Variants in IQANK1 observed in about 807,000 individuals in gnomAD.
IQANK1 encodes the protein IQ motif and ankyrin repeat domain-containing protein 1.
A neutral mutation model predicts 22.6 loss-of-function variants in IQANK1; 30 were observed. The observed-to-expected ratio is 1.33, with a 90% confidence interval of 0.99 to 1.80. IQANK1 has a LOEUF of 1.80. Among genes scored for constraint, IQANK1 ranks in the 40% most tolerant of loss-of-function variants. IQANK1 has a pLI of 0.00. For synonymous variants in IQANK1, 122 were observed against 99.6 expected (o/e 1.23, Z -1.34); for missense variants, 275 against 235.2 (o/e 1.17, Z -1.11).
At chr8:143,773,593 C>T (rs1819627977) in intron 7 of IQANK1, among the ~76,000 whole-genome samples, 1 of 152,146 alleles carries the variant, frequency 6.6e-6, no homozygotes, top group African/African-American at 2.4e-5. Flanking sequence ...TGCCTGGAGT[C>T]TGGGTTCTGC....
chr8:143,752,903 T>C (rs1421643428), intron 3 of IQANK1, among the ~76,000 whole-genome samples: 1 of 152,026 alleles, frequency 6.6e-6, no homozygotes, highest in East Asian at 1.9e-4. Context: ...CTGTATTCTC[T>C]CTGCCCCTTT....
intron 3 of IQANK1, chr8:143,743,042 C>A (rs1169482758): frequency 2.2e-6 from 1 of 456,024 alleles, no homozygotes; most frequent in East Asian, 6.9e-5. Context: ...GATGGGGGGG[C>A]CCTGTGCCTG....
intron 3 of IQANK1, chr8:143,742,320 T>C (rs1056308859): frequency 2.2e-6 from 1 of 449,190 alleles, no homozygotes; most frequent in Non-Finnish European, 4.5e-6. Flanking sequence ...CTTCCCTTGC[T>C]GCTGCCCGCC....
At chr8:143,767,496 T>C (rs1243034840) in intron 3 of IQANK1, among the ~76,000 whole-genome samples, 2 of 152,196 alleles carry the variant, frequency 1.3e-5, no homozygotes, top group Non-Finnish European at 2.9e-5. Context: ...GGATTTTCCA[T>C]AGATGTGTAA....
intron 3 of IQANK1, among the ~76,000 whole-genome samples, chr8:143,754,286 C>A (rs1193403467): frequency 6.6e-6 from 1 of 152,180 alleles, no homozygotes; most frequent in Non-Finnish European, 1.5e-5. Context: ...TTACAGACTT[C>A]GTGACTATGT....
intron 3 of IQANK1, among the ~76,000 whole-genome samples, chr8:143,761,118 G>T (rs909067319): frequency 3.9e-5 from 6 of 152,212 alleles, no homozygotes; most frequent in Non-Finnish European, 5.9e-5. Context: ...AGACTCCTGG[G>T]GCGCAGATCG....
chr8:143,756,544 C>T (rs1428085029), intron 3 of IQANK1, among the ~76,000 whole-genome samples: 1 of 152,058 alleles, frequency 6.6e-6, no homozygotes, highest in Non-Finnish European at 1.5e-5. Context: ...ATTGCTGGTA[C>T]ACACGCCCAA....
chr8:143,743,806 T>TTG (rs374503667), intron 3 of IQANK1: 205 of 418,064 alleles, frequency 4.9e-4, no homozygotes, highest in African/African-American at 4.1e-3. Flanking sequence ...GTTTCATATA[T>TTG]TGTAGTTTTT....
intron 7 of IQANK1, among the ~76,000 whole-genome samples, chr8:143,787,622 G>A (rs1819916630): frequency 6.6e-6 from 1 of 152,054 alleles, no homozygotes; most frequent in Admixed American, 6.5e-5. Context: ...ACTTGTCTGT[G>A]GCCAGTCTCC....
chr8:143,748,629 TCATATATA>T (rs1332134991), intron 3 of IQANK1, among the ~76,000 whole-genome samples: 10 of 124,736 alleles, frequency 8.0e-5, no homozygotes, highest in South Asian at 6.7e-4. Flanking sequence ...ATATAATATA[TCATATATA>T]AATATATAAA....
At chr8:143,784,761 A>G (rs1252064512) in intron 7 of IQANK1, among the ~76,000 whole-genome samples, 6 of 151,566 alleles carry the variant, frequency 4.0e-5, no homozygotes, top group African/African-American at 1.5e-4. Flanking sequence ...ACTTCTACTT[A>G]TAGCTCATTG....
chr8:143,742,136 C>G lies in IQANK1; in HGVS notation c.175+2188C>G, dbSNP rs186647517. 1,973 of 349,336 alleles carry G rather than the reference C, an allele frequency of 5.6e-3. 12 individuals are homozygous for G. The highest frequency in any genetic ancestry group is 9.2e-3 in the Non-Finnish European group (1,605 of 175,392). 21.6% of individuals were successfully genotyped at this position (349,336 alleles called of 1,614,324 possible). A position where few individuals can be genotyped will look rare whatever the true frequency, so the allele number is the denominator to read the frequency against. On this transcript the variant is annotated intron_variant, in intron 3 of 13. Coordinates refer to ENST00000527139, the MANE Select transcript of IQANK1 (RefSeq NM_001381874.1). ...TGAGCTCGGTGTTCCCTGCTCCTCA[C>G]AGAGCCACCCCCAAGCCTTTCCCAG...
intron 3 of IQANK1, chr8:143,744,947 C>G (rs546485923): frequency 6.7e-4 from 102 of 152,390 alleles, no homozygotes; most frequent in African/African-American, 2.2e-3. Flanking sequence ...GTGATCTTGT[C>G]AAAGTCCTGG....
rs563102583 is a variant in IQANK1, at chr8:143,774,860, T to C, written c.789+2378T>C. Among the ~76,000 whole-genome samples the C allele has an allele frequency of 1.3e-5, 2 of 152,190 alleles. No individual in the cohort carries two copies. The highest frequency in any genetic ancestry group is 3.9e-4 in the East Asian group (2 of 5,190). ...ATGATCCATGCAACAACTAGCAACG[T>C]GGAGAAACCGGAAGGGAGCTTCACA... On this transcript the variant is annotated intron_variant, in intron 7 of 13. Coordinates refer to ENST00000527139, the MANE Select transcript of IQANK1 (RefSeq NM_001381874.1). This position sits in a 1 kb window ranked among gnomAD's most constrained non-coding sequence, Gnocchi z 4.2.
chr8:143,734,934 G>C (rs1554625445), intron 1 of IQANK1, among the ~76,000 whole-genome samples: 1 of 150,380 alleles, frequency 6.6e-6, no homozygotes, highest in African/African-American at 2.5e-5. Context: ...CCCCCTCTTA[G>C]GCCCTGCCCT....
At chr8:143,779,180 C>T (rs782241203) in intron 7 of IQANK1, among the ~76,000 whole-genome samples, 8 of 152,142 alleles carry the variant, frequency 5.3e-5, no homozygotes, top group Non-Finnish European at 1.0e-4. Context: ...CATTAATGTG[C>T]CCATTCCACC....
At chr8:143,748,975 A>C (rs1306161812) in intron 3 of IQANK1, among the ~76,000 whole-genome samples, 7 of 115,916 alleles carry the variant, frequency 6.0e-5, no homozygotes, top group Admixed American at 1.1e-4. Context: ...ATCATATATA[A>C]ATATATCATA....
intron 3 of IQANK1, among the ~76,000 whole-genome samples, chr8:143,770,721 C>G (rs2129904133): frequency 6.6e-6 from 1 of 152,402 alleles, no homozygotes; most frequent in South Asian, 2.1e-4. Context: ...CACCCGTGCC[C>G]TGGCACAAGT....
chr8:143,770,992 G>A (rs1819559884), intron 3 of IQANK1, among the ~76,000 whole-genome samples: 3 of 152,228 alleles, frequency 2.0e-5, no homozygotes, highest in Admixed American at 2.0e-4. Context: ...GGGCGAGGGC[G>A]AGGCCGAGCC....
Sources: allele counts gnomAD v4.1 joint callset (sites outside exome capture counted in the v4.1 genomes callset), GRCh38; gene constraint gnomAD v4.1.1; non-coding constraint Gnocchi (gnomAD v3.1); transcripts MANE v1.5; gene names NCBI Gene and HGNC (gene_info 2026-07-23, HGNC 2026-07-21).